OCA2: variants seen among roughly 807,000 people sequenced by gnomAD.
OCA2 encodes OCA2 melanosomal transmembrane protein.
Under a neutral mutation model 100.2 loss-of-function variants are expected in OCA2, and 77 were observed. The observed-to-expected ratio is 0.77, with a 90% CI of 0.64 to 0.93. The LOEUF is 0.93. OCA2 is among the 40% of genes least tolerant of loss of function. The pLI is 0.00. For synonymous variants in OCA2, 432 were observed against 439.2 expected (o/e 0.98, Z 0.21); for missense variants, 1,062 against 1,089.1 (o/e 0.98, Z 0.35).
At chr15:27,836,534 A>G (rs1423215359) in intron 23 of OCA2, among the ~76,000 whole-genome samples, 5 of 152,170 alleles carry the variant, frequency 3.3e-5, no homozygotes, top group African/African-American at 1.2e-4. Flanking sequence ...TTTAACCCTC[A>G]GGGGAAAAGA....
intron 19 of OCA2, among the ~76,000 whole-genome samples, chr15:27,908,242 C>T (rs1174943155): frequency 6.6e-6 from 1 of 151,958 alleles, no homozygotes; most frequent in Non-Finnish European, 1.5e-5. Context: ...TTCATTAGTA[C>T]CATACACTCT....
intron 2 of OCA2, among the ~76,000 whole-genome samples, chr15:28,038,653 A>G (rs1014243261): frequency 6.6e-6 from 1 of 152,124 alleles, no homozygotes; most frequent in Non-Finnish European, 1.5e-5. Flanking sequence ...GTACTGAAAA[A>G]CCGAAAAAAA....
chr15:27,927,784 C>CTTTTTTTTTT (rs34037519), intron 18 of OCA2, among the ~76,000 whole-genome samples: 3 of 69,336 alleles, frequency 4.3e-5, no homozygotes, highest in Non-Finnish European at 5.0e-5. Flanking sequence ...CTTTGAGCAT[C>CTTTTTTTTTT]TTTTTTTTTT....
intron 23 of OCA2, among the ~76,000 whole-genome samples, chr15:27,829,305 A>ATAGATAGT (rs1020136121): frequency 2.0e-5 from 3 of 151,944 alleles, no homozygotes; most frequent in Non-Finnish European, 4.4e-5. Flanking sequence ...AGATAGATAG[A>ATAGATAGT]TAGATAGATA....
At chr15:27,869,131 G>T (rs1321770408) in intron 21 of OCA2, among the ~76,000 whole-genome samples, 1 of 152,204 alleles carries the variant, frequency 6.6e-6, no homozygotes, top group Non-Finnish European at 1.5e-5. Context: ...TGCTAGCGTG[G>T]CACAGTCACT....
At chr15:27,847,083 C>T (rs77139122) in intron 22 of OCA2, among the ~76,000 whole-genome samples, 27 of 152,306 alleles carry the variant, frequency 1.8e-4, no homozygotes, top group African/African-American at 6.5e-4. Flanking sequence ...TCCCTGAGGG[C>T]CCTCCTTCTC....
intron 23 of OCA2, among the ~76,000 whole-genome samples, chr15:27,761,673 AAAG>A (rs1476752413): frequency 2.6e-5 from 4 of 152,320 alleles, no homozygotes; most frequent in Admixed American, 2.0e-4. Context: ...CAATCTTAAC[AAAG>A]AAGAACTGAA....
At chr15:27,852,273 C>T (rs1221286539) in intron 21 of OCA2, among the ~76,000 whole-genome samples, 3 of 152,200 alleles carry the variant, frequency 2.0e-5, no homozygotes, top group African/African-American at 7.2e-5. Context: ...CAGCTTTCTA[C>T]ATATGGCTAG....
At chr15:27,950,286 C>T (rs1025558530) in intron 18 of OCA2, among the ~76,000 whole-genome samples, 2 of 152,160 alleles carry the variant, frequency 1.3e-5, no homozygotes, top group Non-Finnish European at 2.9e-5. Flanking sequence ...TCTCTGCCCA[C>T]AAAACACTAG....
intron 23 of OCA2, among the ~76,000 whole-genome samples, chr15:27,800,759 G>A (rs1045120468): frequency 6.7e-6 from 1 of 150,074 alleles, no homozygotes; most frequent in East Asian, 2.0e-4. Context: ...GAACCCAAGA[G>A]TTCAAGACCA....
At chr15:27,806,788 G>A (rs1202553114) in intron 23 of OCA2, among the ~76,000 whole-genome samples, 4 of 152,336 alleles carry the variant, frequency 2.6e-5, no homozygotes, top group South Asian at 2.1e-4. Context: ...CCCAGACTGC[G>A]GAGAGGACCG....
intron 18 of OCA2, among the ~76,000 whole-genome samples, chr15:27,941,550 A>G (rs909228430): frequency 1.4e-5 from 2 of 139,126 alleles, no homozygotes; most frequent in Admixed American, 1.5e-4. Flanking sequence ...TATTGGCTGC[A>G]TTATTGAAAA....
At chr15:27,993,174 G>A (rs1192540547) in intron 9 of OCA2, among the ~76,000 whole-genome samples, 1 of 152,174 alleles carries the variant, frequency 6.6e-6, no homozygotes, top group Non-Finnish European at 1.5e-5. Context: ...CCACTGGTCA[G>A]CAGGATTGGA....
chr15:27,724,763 T>G, the OCA2 span, among the ~76,000 whole-genome samples: 1 of 151,824 alleles, frequency 6.6e-6, no homozygotes, highest in Admixed American at 6.6e-5. Context: ...AAATATTACA[T>G]ACCTGATTCT....
chr15:28,007,596 G>A (rs2042125997), intron 9 of OCA2, among the ~76,000 whole-genome samples: 1 of 152,124 alleles, frequency 6.6e-6, no homozygotes, highest in Non-Finnish European at 1.5e-5. Flanking sequence ...CGGGGGTGGT[G>A]TCTCGCACCT....
In OCA2 at chr15:28,043,489, A is replaced by G. The variant is rs1349293562; in HGVS notation, c.228-11326T>C. On this transcript the variant is annotated intron_variant, in intron 2 of 23. Transcript: ENST00000354638. This position sits in a 1 kb window ranked among gnomAD's most constrained non-coding sequence, Gnocchi z 4.4. ...CTGGGGCTTACACACAGGTAGTAAAACAGAACATTCGATCCTTGGGCTTAA... is the reference window on the plus strand; with the variant it reads ...CTGGGGCTTACACACAGGTAGTAAAGCAGAACATTCGATCCTTGGGCTTAA... 6.6e-6 allele frequency among the ~76,000 whole-genome samples: 1 copy of G among 152,222 alleles called. No individual in the cohort carries two copies. Among genetic ancestry groups the G allele is most frequent in the Non-Finnish European group, 1.5e-5 (1 of 68,044 alleles).
intron 19 of OCA2, among the ~76,000 whole-genome samples, chr15:27,920,429 G>C (rs538000907): frequency 1.3e-4 from 20 of 152,152 alleles, no homozygotes; most frequent in Non-Finnish European, 2.8e-4. Flanking sequence ...AACAAATTCA[G>C]GGAGATAAAT....
At chr15:28,010,685 A>T (rs995481395) in intron 9 of OCA2, among the ~76,000 whole-genome samples, 1 of 152,204 alleles carries the variant, frequency 6.6e-6, no homozygotes, top group Non-Finnish European at 1.5e-5. Context: ...AAAATTATTT[A>T]AAAAATCAAA....
At chr15:27,917,880 G>A (rs1014717313) in intron 19 of OCA2, among the ~76,000 whole-genome samples, 19 of 152,008 alleles carry the variant, frequency 1.2e-4, no homozygotes, top group African/African-American at 4.4e-4. Flanking sequence ...AAGAGTGTTA[G>A]GCTGCCCCTC....
Sources: gnomAD v4.1 joint callset for allele counts (sites outside exome capture counted in the v4.1 genomes callset) on GRCh38, gnomAD v4.1.1 for gene constraint, Gnocchi (gnomAD v3.1) non-coding constraint, MANE v1.5 for transcripts, NCBI Gene and HGNC (gene_info 2026-07-23, HGNC 2026-07-21) for gene names.